The following SCLT1 variants were observed in gnomAD, a reference collection of about 807,000 sequenced individuals.
SCLT1 encodes sodium channel and clathrin linker 1, also known as sodium channel-associated protein 1.
A neutral mutation model predicts 112.8 loss-of-function variants in SCLT1; 78 were observed. The observed-to-expected ratio is 0.69, with a 90% CI of 0.58 to 0.83. The LOEUF is 0.83. SCLT1 is among the 40% of genes least tolerant of loss of function. SCLT1 has a pLI of 0.00. For synonymous variants in SCLT1, 257 were observed against 254.7 expected (o/e 1.01, Z -0.09); for missense variants, 747 against 770.4 (o/e 0.97, Z 0.36).
chr4:129,061,820 G>T (rs1182536653), intron 2 of SCLT1, among the ~76,000 whole-genome samples: 1 of 152,068 alleles, frequency 6.6e-6, no homozygotes, highest in Non-Finnish European at 1.5e-5. Context: ...GGAGCTACTT[G>T]CCCCCAGAGC....
chr4:128,901,532 G>T (rs557445873), intron 18 of SCLT1, among the ~76,000 whole-genome samples: 1 of 148,240 alleles, frequency 6.7e-6, no homozygotes, highest in Non-Finnish European at 1.5e-5. Flanking sequence ...GGGGTGGTGG[G>T]GGGGGGGAGG....
rs141437243 is a variant in SCLT1, at chr4:129,008,274, T to G, written c.291-4398A>C. Reference sequence around the variant, plus strand: ...AATGTACTTATTTAACCCTCCTTCTTGAAGAACATTTCGCTGAGCACACAA... The same window carrying G: ...AATGTACTTATTTAACCCTCCTTCTGGAAGAACATTTCGCTGAGCACACAA... On this transcript the variant is annotated intron_variant, in intron 5 of 20. Coordinates refer to ENST00000281142, the MANE Select transcript of SCLT1 (RefSeq NM_144643.4). Among the ~76,000 whole-genome samples the G allele has an allele frequency of 1.6e-3, 238 of 152,340 alleles. 1 individual carries two copies. The highest frequency in any genetic ancestry group is 2.8e-3 in the Non-Finnish European group (193 of 68,028).
intron 9 of SCLT1, among the ~76,000 whole-genome samples, chr4:128,980,655 A>G (rs1404805758): frequency 6.6e-6 from 1 of 152,196 alleles, no homozygotes; most frequent in African/African-American, 2.4e-5. Flanking sequence ...ACCCAGTCAA[A>G]CTTTGAGATT....
At chr4:128,888,254 T>A (rs1355792906) in intron 20 of SCLT1, among the ~76,000 whole-genome samples, 7 of 151,730 alleles carry the variant, frequency 4.6e-5, no homozygotes, top group Non-Finnish European at 8.8e-5. Flanking sequence ...TCTCACTCTG[T>A]CCGCCAGGCT....
intron 18 of SCLT1, among the ~76,000 whole-genome samples, chr4:128,894,608 G>A (rs1733594145): frequency 6.6e-6 from 1 of 152,010 alleles, no homozygotes; most frequent in African/African-American, 2.4e-5. Flanking sequence ...CTGCTCCTCA[G>A]TTTATACTGA....
intron 2 of SCLT1, among the ~76,000 whole-genome samples, chr4:129,059,448 C>T (rs1385992458): frequency 7.2e-5 from 11 of 152,204 alleles, no homozygotes; most frequent in African/African-American, 2.6e-4. Context: ...ATCTGCTCCA[C>T]CAGTGAGTTT....
At chr4:129,081,992 C>G (rs2125774067) in intron 2 of SCLT1, among the ~76,000 whole-genome samples, 1 of 152,200 alleles carries the variant, frequency 6.6e-6, no homozygotes, top group Non-Finnish European at 1.5e-5. Flanking sequence ...TTAGTTTATG[C>G]TCCTGTCATA....
chr4:128,979,052 T>G (rs534708940), intron 9 of SCLT1, among the ~76,000 whole-genome samples: 1 of 152,294 alleles, frequency 6.6e-6, no homozygotes, highest in Admixed American at 6.5e-5. Context: ...TTGTAAGTAC[T>G]GTATATCCTA....
At chr4:129,092,510 T>C (rs949802686) in intron 1 of SCLT1, among the ~76,000 whole-genome samples, 8 of 152,242 alleles carry the variant, frequency 5.3e-5, no homozygotes, top group Non-Finnish European at 1.2e-4. Flanking sequence ...GATACTATTC[T>C]AAATCCTTTA....
rs766001914 is a variant in SCLT1 at position 129,093,057 on chromosome 4, A to C, written c.34+13T>G. On this transcript the variant is annotated intron_variant, in intron 1 of 20. Coordinates refer to ENST00000281142, the MANE Select transcript of SCLT1 (RefSeq NM_144643.4). ...ACATTGTATATGAAGTCTCAAAAAA[A>C]CATGGAGCTTACTTTGCTCTCTCAG... The C allele has an allele frequency of 1.7e-5, 27 of 1,600,548 alleles. 2 individuals are homozygous for C. The South Asian group carries it at 2.4e-4, about 14-fold the overall frequency.
At chr4:129,058,335 A>AT (rs374247155) in intron 2 of SCLT1, among the ~76,000 whole-genome samples, 19 of 150,828 alleles carry the variant, frequency 1.3e-4, no homozygotes, top group East Asian at 7.8e-4. Context: ...AAGTCTTTCT[A>AT]TTTTTTTTGA....
chr4:128,961,236 A>G (rs552437242), intron 11 of SCLT1, among the ~76,000 whole-genome samples: 1 of 152,110 alleles, frequency 6.6e-6, no homozygotes, highest in East Asian at 1.9e-4. Flanking sequence ...ATCCTGACTC[A>G]TTTGAATTTA....
At chr4:128,999,833 G>A in intron 6 of SCLT1, 39 bp from the exon 7 acceptor site, 5 of 1,513,110 alleles carry the variant, frequency 3.3e-6, no homozygotes, top group Non-Finnish European at 4.5e-6. Context: ...ATTATCAGCA[G>A]GCTATTTATT....
intron 18 of SCLT1, among the ~76,000 whole-genome samples, chr4:128,905,346 C>A (rs1466824818): frequency 1.3e-5 from 2 of 152,112 alleles, no homozygotes; most frequent in African/African-American, 4.8e-5. Context: ...CTGAAGATAA[C>A]CCTATTCTAA....
chr4:128,913,042 A>G (rs1197940154), intron 18 of SCLT1, among the ~76,000 whole-genome samples: 2 of 152,216 alleles, frequency 1.3e-5, no homozygotes, highest in Admixed American at 1.3e-4. Context: ...ATTTCACTTA[A>G]GTAGGAATTT....
At chr4:129,022,584 A>G (rs2126125490) in intron 5 of SCLT1, among the ~76,000 whole-genome samples, 1 of 152,260 alleles carries the variant, frequency 6.6e-6, no homozygotes, top group South Asian at 2.1e-4. Flanking sequence ...AATCTGAAGG[A>G]AAGATTAGAG....
At chr4:129,043,884 ATTTAAG>A in intron 3 of SCLT1, 103 bp downstream of exon 3, 1 of 647,354 alleles carries the variant, frequency 1.5e-6, no homozygotes, top group Non-Finnish European at 2.7e-6. Flanking sequence ...AGAACAAAGC[ATTTAAG>A]TTTAATAACA....
chr4:128,921,051 T>C (rs1006329981), intron 18 of SCLT1, among the ~76,000 whole-genome samples: 4 of 152,016 alleles, frequency 2.6e-5, no homozygotes, highest in Non-Finnish European at 4.4e-5. Flanking sequence ...ACAATCCCAT[T>C]CACAAAAGCC....
chr4:128,879,223 A>C (rs1732589196), downstream of SCLT1, among the ~76,000 whole-genome samples: 1 of 152,192 alleles, frequency 6.6e-6, no homozygotes, highest in South Asian at 2.1e-4. Context: ...CTATATGTTC[A>C]ATCAAGAACG....
Sources: allele counts gnomAD v4.1 joint callset (sites outside exome capture counted in the v4.1 genomes callset), GRCh38; gene constraint gnomAD v4.1.1; transcripts MANE v1.5; gene names NCBI Gene and HGNC (gene_info 2026-07-23, HGNC 2026-07-21).